KCNQ1OT1: variants seen among roughly 807,000 people sequenced by gnomAD.
The protein encoded by KCNQ1OT1 is KCNQ1 opposite strand/antisense transcript 1.
In KCNQ1OT1 at chr11:2,668,768, A is replaced by T; in HGVS notation, n.31227T>A. The stretch of plus-strand genomic sequence containing the variant: ...TGCAGGCTGCCTTCTTCCTCTCTTG[A>T]TGGTGTCTTTTGATGAACAGAAGGT... On this transcript the variant is annotated non_coding_transcript_exon_variant, in exon 1 of 1. Coordinates refer to ENST00000597346, the Ensembl canonical transcript of KCNQ1OT1. The surrounding 1 kb of genome is among the most constrained non-coding windows in gnomAD (Gnocchi z 4.3). The T allele has an allele frequency of 2.5e-6, 1 of 398,522 alleles. No individual in the cohort carries two copies. The allele number at this position is 398,522 out of a possible 1,614,324, so 24.7% of individuals were successfully genotyped here.
exon 1 of KCNQ1OT1, chr11:2,638,512 T>C (rs1284226502): frequency 6.6e-6 from 1 of 152,196 alleles, no homozygotes; most frequent in Non-Finnish European, 1.5e-5. Context: ...CCCCACTCTC[T>C]TCTGGCTTGT....
At position 2,626,787 on chromosome 11, in the gene KCNQ1OT1, A is replaced by C. The variant is rs1328536359; in HGVS notation, n.73208T>G. On this transcript the variant is annotated non_coding_transcript_exon_variant, in exon 1 of 1. Transcript: ENST00000597346. The surrounding 1 kb of genome is among the most constrained non-coding windows in gnomAD (Gnocchi z 4.0). ...CAGAAGTCCTCCCACCTCAGCCTTC[A>C]AAAGTGCTGAGATTACAGGTGTAGG... 1.0e-5 allele frequency: 4 copies of C among 398,462 alleles called. No individual in the cohort carries two copies. Among genetic ancestry groups the C allele is most frequent in the Non-Finnish European group, 1.8e-5 (4 of 226,070 alleles). 24.7% of individuals were successfully genotyped at this position (398,462 alleles called of 1,614,324 possible). A position where few individuals can be genotyped will look rare whatever the true frequency, so the allele number is the denominator to read the frequency against.
rs1001709612 is a variant in KCNQ1OT1, at chr11:2,620,926, TTTG to T, written n.79066_79068del. 1.4e-3 allele frequency: 526 copies of T among 380,012 alleles called. No individual in the cohort carries two copies. The highest frequency in any genetic ancestry group is 0.01 in the African/African-American group (450 of 44,844). The allele number at this position is 380,012 out of a possible 1,614,324, so 23.5% of individuals were successfully genotyped here. A position where few individuals can be genotyped will look rare whatever the true frequency, so the allele number is the denominator to read the frequency against. ...GCATCCCATTATGGTTTGGTGTTTT[TTTG>T]TTGTTGTTGTTTTGTTTTGTTTTTT... On this transcript the variant is annotated non_coding_transcript_exon_variant, in exon 1 of 1. Coordinates refer to ENST00000597346, the Ensembl canonical transcript of KCNQ1OT1. The surrounding 1 kb of genome is among the most constrained non-coding windows in gnomAD (Gnocchi z 4.5).
exon 1 of KCNQ1OT1, chr11:2,650,716 G>T: frequency 2.5e-6 from 1 of 398,632 alleles, no homozygotes; most frequent in South Asian, 1.3e-4. Flanking sequence ...CTGGGCAGGG[G>T]ACTAGAATGC....
In KCNQ1OT1 at chr11:2,612,865, C is replaced by G. The variant is rs1040203122; in HGVS notation, n.87130G>C. ...ATCGTAGAAACTCTGGATTCTAGTT[C>G]TTCTCCCTAACCAGGGATGATTTCT... On this transcript the variant is annotated non_coding_transcript_exon_variant, in exon 1 of 1. Coordinates refer to ENST00000597346, the Ensembl canonical transcript of KCNQ1OT1. This position sits in a 1 kb window ranked among gnomAD's most constrained non-coding sequence, Gnocchi z 5.5. The G allele has an allele frequency of 1.5e-5, 6 of 398,364 alleles. No homozygotes were observed. Among genetic ancestry groups the G allele is most frequent in the Non-Finnish European group, 2.7e-5 (6 of 226,038 alleles). The allele number at this position is 398,364 out of a possible 1,614,324, so 24.7% of individuals were successfully genotyped here.
At chr11:2,636,869 T>C (rs1189754571) in exon 1 of KCNQ1OT1, 1 of 152,256 alleles carries the variant, frequency 6.6e-6, no homozygotes, top group Non-Finnish European at 1.5e-5. Flanking sequence ...CAGAGCCTGT[T>C]ATTGGTCTTT....
rs540410414 is a variant in KCNQ1OT1 at position 2,676,351 on chromosome 11, G to A, written n.23644C>T. 15 of 398,634 alleles carry A rather than the reference G, an allele frequency of 3.8e-5. No individual in the cohort carries two copies. The highest frequency in any genetic ancestry group is 2.9e-4 in the African/African-American group (14 of 48,760). 24.7% of individuals were successfully genotyped at this position (398,634 alleles called of 1,614,324 possible). ...GTAGTTGAAGTGCTGTTTTCTCATG[G>A]TTGGGCTTCCAGTATAATTGGAAGG... On this transcript the variant is annotated non_coding_transcript_exon_variant, in exon 1 of 1. Coordinates refer to ENST00000597346, the Ensembl canonical transcript of KCNQ1OT1. This position sits in a 1 kb window ranked among gnomAD's most constrained non-coding sequence, Gnocchi z 4.2.
At position 2,654,138 on chromosome 11, in the gene KCNQ1OT1, T is replaced by C; in HGVS notation, n.45857A>G. On this transcript the variant is annotated non_coding_transcript_exon_variant, in exon 1 of 1. Coordinates refer to ENST00000597346, the Ensembl canonical transcript of KCNQ1OT1. The surrounding 1 kb of genome is among the most constrained non-coding windows in gnomAD (Gnocchi z 6.4). ...CAGGTGGTGGCGGGGCCACTCTGGCTCAGGGTCTATGAGCCGGGCATGGGC... is the reference window on the plus strand; with the variant it reads ...CAGGTGGTGGCGGGGCCACTCTGGCCCAGGGTCTATGAGCCGGGCATGGGC... 1 of 398,514 alleles carries C rather than the reference T, an allele frequency of 2.5e-6. No homozygotes were observed. Among genetic ancestry groups the C allele is most frequent in the East Asian group, 3.6e-5 (1 of 28,072 alleles). The allele number at this position is 398,514 out of a possible 1,614,324, so 24.7% of individuals were successfully genotyped here. A position where few individuals can be genotyped will look rare whatever the true frequency, so the allele number is the denominator to read the frequency against.
chr11:2,660,396 T>C (rs1849930879), exon 1 of KCNQ1OT1: 1 of 398,572 alleles, frequency 2.5e-6, no homozygotes, highest in Non-Finnish European at 4.4e-6. Flanking sequence ...TCCTTTTTTA[T>C]AAAGCAAAAG....
exon 1 of KCNQ1OT1, chr11:2,699,318 C>T (rs919297362): frequency 2.4e-4 from 97 of 398,984 alleles, no homozygotes; most frequent in Non-Finnish European, 7.1e-5. Flanking sequence ...CCGCGGGGCA[C>T]ACAGCTCACC....
At chr11:2,694,647 A>G (rs891113661) in exon 1 of KCNQ1OT1, 1 of 398,494 alleles carries the variant, frequency 2.5e-6, no homozygotes, top group Non-Finnish European at 4.4e-6. Context: ...GAAATCTGTG[A>G]CACACCCACC....
chr11:2,611,594 C>G lies in KCNQ1OT1; in HGVS notation n.88401G>C, dbSNP rs1246498436. The G allele has an allele frequency of 7.5e-6, 3 of 398,450 alleles. No homozygotes were observed. Among genetic ancestry groups the G allele is most frequent in the Non-Finnish European group, 1.3e-5 (3 of 226,066 alleles). The allele number at this position is 398,450 out of a possible 1,614,324, so 24.7% of individuals were successfully genotyped here. A position where few individuals can be genotyped will look rare whatever the true frequency, so the allele number is the denominator to read the frequency against. ...TCTTTTTCCATCATTTTACTTTCAA[C>G]TATGTCTTTGAATCTAGAATGTGAC... is the stretch of plus-strand genomic sequence containing the variant. On this transcript the variant is annotated non_coding_transcript_exon_variant, in exon 1 of 1. Coordinates refer to ENST00000597346, the Ensembl canonical transcript of KCNQ1OT1. The surrounding 1 kb of genome is among the most constrained non-coding windows in gnomAD (Gnocchi z 5.3).
At chr11:2,685,118 T>G (rs1316566961) in exon 1 of KCNQ1OT1, 6 of 398,570 alleles carry the variant, frequency 1.5e-5, no homozygotes, top group Non-Finnish European at 2.7e-5. Context: ...ACGGGGGGTC[T>G]GATGGTCAGA....
At position 2,663,306 on chromosome 11, in the gene KCNQ1OT1, G is replaced by A. The variant is rs964177566; in HGVS notation, n.36689C>T. 2 of 398,784 alleles carry A rather than the reference G, an allele frequency of 5.0e-6. No individual in the cohort carries two copies. Among genetic ancestry groups the A allele is most frequent in the Admixed American group, 4.4e-5 (1 of 22,742 alleles). 24.7% of individuals were successfully genotyped at this position (398,784 alleles called of 1,614,324 possible). A position where few individuals can be genotyped will look rare whatever the true frequency, so the allele number is the denominator to read the frequency against. ...GCTCTGAGCTTCTGGGCCCCTCCTG[G>A]CTGGGTAAAAAGGCAGGAGCAGAGG... On this transcript the variant is annotated non_coding_transcript_exon_variant, in exon 1 of 1. Coordinates refer to ENST00000597346, the Ensembl canonical transcript of KCNQ1OT1. This position sits in a 1 kb window ranked among gnomAD's most constrained non-coding sequence, Gnocchi z 5.2.
chr11:2,653,324 C>T lies in KCNQ1OT1; in HGVS notation n.46671G>A, dbSNP rs1003566163. On this transcript the variant is annotated non_coding_transcript_exon_variant, in exon 1 of 1. Transcript: ENST00000597346. The surrounding 1 kb of genome is among the most constrained non-coding windows in gnomAD (Gnocchi z 5.3). ...TAGCTATTTTGTAACCTTGACTGCCCCCAGGCCCATGTCCGTAGGCTCACA... is the reference window on the plus strand; with the variant it reads ...TAGCTATTTTGTAACCTTGACTGCCTCCAGGCCCATGTCCGTAGGCTCACA... 2 of 398,712 alleles carry T rather than the reference C, an allele frequency of 5.0e-6. No individual in the cohort carries two copies. The highest frequency in any genetic ancestry group is 8.8e-6 in the Non-Finnish European group (2 of 226,126). 24.7% of individuals were successfully genotyped at this position (398,712 alleles called of 1,614,324 possible).
In KCNQ1OT1 at chr11:2,653,665, G is replaced by A. The variant is rs1419879292; in HGVS notation, n.46330C>T. The stretch of plus-strand genomic sequence containing the variant: ...TCTAAAAGGGGCAAAATGGCCACCA[G>A]CTTGCATTCAACAGCTCAGGAAGCC... On this transcript the variant is annotated non_coding_transcript_exon_variant, in exon 1 of 1. Transcript: ENST00000597346. This position sits in a 1 kb window ranked among gnomAD's most constrained non-coding sequence, Gnocchi z 5.3. 1 of 398,584 alleles carries A rather than the reference G, an allele frequency of 2.5e-6. No individual in the cohort carries two copies. The highest frequency in any genetic ancestry group is 4.4e-6 in the Non-Finnish European group (1 of 226,128). 24.7% of individuals were successfully genotyped at this position (398,584 alleles called of 1,614,324 possible).
rs1156627439 is a variant in KCNQ1OT1, at chr11:2,669,328, AGG to A, written n.30665_30666del. ...CCAGTTGCCATGGAAAGCCTCCTCT[AGG>A]CGCAGCAGCCTCTAGATGGGCATGG... On this transcript the variant is annotated non_coding_transcript_exon_variant, in exon 1 of 1. Transcript: ENST00000597346. This position sits in a 1 kb window ranked among gnomAD's most constrained non-coding sequence, Gnocchi z 5.6. 1.5e-5 allele frequency: 6 copies of A among 398,564 alleles called. No individual in the cohort carries two copies. The highest frequency in any genetic ancestry group is 1.2e-4 in the African/African-American group (6 of 48,714). 24.7% of individuals were successfully genotyped at this position (398,564 alleles called of 1,614,324 possible).
At chr11:2,694,871 TAAG>T (rs1422284605) in exon 1 of KCNQ1OT1, 10 of 398,414 alleles carry the variant, frequency 2.5e-5, no homozygotes, top group South Asian at 1.3e-4. Flanking sequence ...GAGATTTAAA[TAAG>T]AAGAAGGAAT....
At position 2,647,857 on chromosome 11, in the gene KCNQ1OT1, T is replaced by C. The variant is rs1381444521; in HGVS notation, n.52138A>G. On this transcript the variant is annotated non_coding_transcript_exon_variant, in exon 1 of 1. Coordinates refer to ENST00000597346, the Ensembl canonical transcript of KCNQ1OT1. The surrounding 1 kb of genome is among the most constrained non-coding windows in gnomAD (Gnocchi z 4.0). ...TGTAAGTCTCCTTTTTCATTTCTGA[T>C]TTTATTTATTGGGTCTTCTTGGTTA... The C allele has an allele frequency of 2.5e-6, 1 of 398,414 alleles. No homozygotes were observed. Among genetic ancestry groups the C allele is most frequent in the Non-Finnish European group, 4.4e-6 (1 of 226,048 alleles). The allele number at this position is 398,414 out of a possible 1,614,324, so 24.7% of individuals were successfully genotyped here.
Sources: gnomAD v4.1 joint callset for allele counts on GRCh38, gnomAD v4.1.1 for gene constraint, Gnocchi (gnomAD v3.1) non-coding constraint, MANE v1.5 for transcripts, NCBI Gene and HGNC (gene_info 2026-07-23, HGNC 2026-07-21) for gene names.